Variants in MACROD2 observed in about 807,000 individuals in gnomAD.
The protein encoded by MACROD2 is mono-ADP ribosylhydrolase 2.
In MACROD2, 36 loss-of-function variants were observed where a neutral mutation model predicts 70.4. That is an observed-to-expected ratio of 0.51 (90% CI 0.39 to 0.68). The LOEUF is 0.68. Ranked by LOEUF, MACROD2 falls within the 30% of genes least tolerant of loss-of-function variation. MACROD2 has a pLI of 0.00. For synonymous variants in MACROD2, 172 were observed against 178.8 expected (o/e 0.96, Z 0.30); for missense variants, 496 against 538.4 (o/e 0.92, Z 0.78).
chr20:16,014,197 C>G (rs1018621512), intron 15 of MACROD2, among the ~76,000 whole-genome samples: 3 of 152,190 alleles, frequency 2.0e-5, no homozygotes, highest in East Asian at 3.9e-4. Flanking sequence ...GAGCAACATG[C>G]CTTGTCTTCA....
chr20:14,574,960 G>A (rs953540862), intron 4 of MACROD2, among the ~76,000 whole-genome samples: 7 of 139,496 alleles, frequency 5.0e-5, no homozygotes, highest in Non-Finnish European at 9.1e-5. Flanking sequence ...GCAGTGAGCC[G>A]AGATTGCGCC....
chr20:14,861,783 G>A (rs1286163210), intron 5 of MACROD2, among the ~76,000 whole-genome samples: 2 of 149,270 alleles, frequency 1.3e-5, no homozygotes. Flanking sequence ...ATGACCTCCC[G>A]AAGGGCTAAC....
rs117224929 is a variant in MACROD2 at position 16,000,296 on chromosome 20, A to G, written c.1153+13138A>G. Reference sequence around the variant, plus strand: ...ATACGCATCCACTTGAGATGTTTCCATGGAAACATGGATTTATTCTCACAA... The same window carrying G: ...ATACGCATCCACTTGAGATGTTTCCGTGGAAACATGGATTTATTCTCACAA... On this transcript the variant is annotated intron_variant, in intron 15 of 17. Transcript: ENST00000684519. 8.3e-3 allele frequency among the ~76,000 whole-genome samples: 1,263 copies of G among 152,280 alleles called. 10 individuals are homozygous for G. Among genetic ancestry groups the G allele is most frequent in the Non-Finnish European group, 0.012 (798 of 68,026 alleles).
At chr20:14,190,694 A>ATT (rs2081378382) in intron 3 of MACROD2, among the ~76,000 whole-genome samples, 1 of 38,986 alleles carries the variant, frequency 2.6e-5, no homozygotes, top group African/African-American at 1.0e-4. Flanking sequence ...ATATATATAT[A>ATT]TATATTTTTT....
At position 14,185,839 on chromosome 20, in the gene MACROD2, T is replaced by C. The variant is rs558273817; in HGVS notation, c.271+100111T>C. Among the ~76,000 whole-genome samples, 5 of 152,246 alleles carry C rather than the reference T, an allele frequency of 3.3e-5. No homozygotes were observed. In the South Asian group the frequency reaches 1.0e-3, roughly 32 times the overall value. On this transcript the variant is annotated intron_variant, in intron 3 of 17. Coordinates refer to ENST00000684519, the MANE Select transcript of MACROD2 (RefSeq NM_001351661.2). ...CTTTTATGAAGATTAAATGAGAAAA[T>C]GTATAAAAACCACTTAGCATACACA... is the stretch of plus-strand genomic sequence containing the variant.
In MACROD2 at chr20:14,597,351, CA is replaced by C. The variant is rs1408971579; in HGVS notation, c.302-87488del. Among the ~76,000 whole-genome samples the C allele has an allele frequency of 2.0e-5, 3 of 152,120 alleles. No individual in the cohort carries two copies. In the East Asian group the frequency reaches 5.8e-4, roughly 29 times the overall value. On this transcript the variant is annotated intron_variant, in intron 4 of 17. Coordinates refer to ENST00000684519, the MANE Select transcript of MACROD2 (RefSeq NM_001351661.2). ...TTGTTCTTGGCTTCCCATCTCTGCC[CA>C]AAACCATTTCTTAATCTCTTAATTT... is the stretch of plus-strand genomic sequence containing the variant.
At chr20:15,278,255 A>T (rs2077411129) in intron 6 of MACROD2, among the ~76,000 whole-genome samples, 1 of 152,208 alleles carries the variant, frequency 6.6e-6, no homozygotes, top group Non-Finnish European at 1.5e-5. Context: ...ATAGGTTATG[A>T]GGAAGGAGTA....
chr20:14,784,678 G>A (rs572850245), intron 5 of MACROD2, among the ~76,000 whole-genome samples: 1 of 134,710 alleles, frequency 7.4e-6, no homozygotes, highest in Non-Finnish European at 1.6e-5. Context: ...TGGGGGGGGG[G>A]GGGCACCAGA....
At chr20:15,452,358 A>G (rs1005679599) in intron 7 of MACROD2, among the ~76,000 whole-genome samples, 1 of 152,154 alleles carries the variant, frequency 6.6e-6, no homozygotes, top group Non-Finnish European at 1.5e-5. Context: ...AGATGCTGAC[A>G]GTAAACAGTG....
intron 8 of MACROD2, among the ~76,000 whole-genome samples, chr20:15,703,441 CTGGAGGTAT>C (rs1255116503): frequency 6.6e-6 from 1 of 152,106 alleles, no homozygotes; most frequent in African/African-American, 2.4e-5. Context: ...TGCCAGAACC[CTGGAGGTAT>C]CTTAACTTAC....
intron 4 of MACROD2, among the ~76,000 whole-genome samples, chr20:14,614,910 C>T (rs77057903): frequency 0.01 from 1,574 of 152,200 alleles, 29 homozygotes; most frequent in African/African-American, 0.036. Flanking sequence ...TGCTGTGTTA[C>T]AATTTAGGTT....
intron 15 of MACROD2, among the ~76,000 whole-genome samples, chr20:16,008,663 CAT>C (rs1478908030): frequency 2.6e-5 from 4 of 152,278 alleles, no homozygotes; most frequent in South Asian, 4.1e-4. Flanking sequence ...TATGATTTAA[CAT>C]GTGTAAAGTT....
intron 5 of MACROD2, among the ~76,000 whole-genome samples, chr20:14,979,320 C>A (rs2122831859): frequency 6.6e-6 from 1 of 152,084 alleles, no homozygotes; most frequent in Non-Finnish European, 1.5e-5. Flanking sequence ...TTATTTCTAA[C>A]TATTTTTCAT....
intron 3 of MACROD2, among the ~76,000 whole-genome samples, chr20:14,480,012 G>T (rs1327004280): frequency 1.3e-5 from 2 of 152,062 alleles, no homozygotes; most frequent in Non-Finnish European, 2.9e-5. Context: ...GAGTAGCTAG[G>T]ACTAATAAGT....
chr20:14,448,541 G>C (rs962186257), intron 3 of MACROD2, among the ~76,000 whole-genome samples: 1 of 151,936 alleles, frequency 6.6e-6, no homozygotes, highest in Non-Finnish European at 1.5e-5. Context: ...GCCAGGCATG[G>C]TGGTGCATGC....
At chr20:14,615,754 A>G (rs1983442122) in intron 4 of MACROD2, among the ~76,000 whole-genome samples, 1 of 152,142 alleles carries the variant, frequency 6.6e-6, no homozygotes, top group Non-Finnish European at 1.5e-5. Flanking sequence ...AGAGCTTGCA[A>G]TCAGGAAGAT....
At chr20:14,849,394 A>T (rs2073174944) in intron 5 of MACROD2, among the ~76,000 whole-genome samples, 2 of 152,076 alleles carry the variant, frequency 1.3e-5, no homozygotes, top group South Asian at 2.1e-4. Context: ...AGGTGTGTTG[A>T]TGTTGCGACT....
chr20:15,765,931 T>A (rs2051517028), intron 8 of MACROD2, among the ~76,000 whole-genome samples: 1 of 152,090 alleles, frequency 6.6e-6, no homozygotes, highest in Non-Finnish European at 1.5e-5. Context: ...CATCCTTTCA[T>A]GGAAGCAATA....
At chr20:14,878,950 C>T (rs2073580851) in intron 5 of MACROD2, among the ~76,000 whole-genome samples, 2 of 152,036 alleles carry the variant, frequency 1.3e-5, no homozygotes, top group African/African-American at 2.4e-5. Flanking sequence ...CTTTAATACC[C>T]CACCTTCATT....
Sources: allele counts gnomAD v4.1 joint callset (sites outside exome capture counted in the v4.1 genomes callset), GRCh38; gene constraint gnomAD v4.1.1; transcripts MANE v1.5; gene names NCBI Gene and HGNC (gene_info 2026-07-23, HGNC 2026-07-21).